M1AP: variants seen among roughly 807,000 people sequenced by gnomAD.
M1AP encodes meiosis 1 arrest protein.
In M1AP, 39 loss-of-function variants were observed where a neutral mutation model predicts 51.2. That is an observed-to-expected ratio of 0.76 (90% CI 0.59 to 1.00). The LOEUF (loss-of-function observed/expected upper bound fraction) is 1.00. Ranked by LOEUF, M1AP falls within the 50% of genes least tolerant of loss-of-function variation. The probability of loss-of-function intolerance (pLI) is 0.00; values close to 1 mark genes in which losing one functional copy is unlikely to be tolerated. For synonymous variants in M1AP, 251 were observed against 249.2 expected (o/e 1.01, Z -0.07); for missense variants, 545 against 641.2 (o/e 0.85, Z 1.62).
chr2:74,618,656 T>C (rs1681817021), intron 2 of M1AP, among the ~76,000 whole-genome samples: 1 of 152,234 alleles, frequency 6.6e-6, no homozygotes, highest in Non-Finnish European at 1.5e-5. Context: ...GCTGGATTGA[T>C]GTCATGTTGC....
chr2:74,604,436 C>T (rs1485004840), intron 4 of M1AP, among the ~76,000 whole-genome samples: 1 of 152,210 alleles, frequency 6.6e-6, no homozygotes, highest in Non-Finnish European at 1.5e-5. Context: ...TCCACCTCTG[C>T]TCATCAGGGG....
chr2:74,634,108 T>C (rs1345887469), intron 2 of M1AP, among the ~76,000 whole-genome samples: 1 of 152,074 alleles, frequency 6.6e-6, no homozygotes, highest in Non-Finnish European at 1.5e-5. Context: ...AGGATAAAAG[T>C]GAAAGTCATG....
chr2:74,559,178 T>G (rs566627148), intron 10 of M1AP, among the ~76,000 whole-genome samples: 26 of 150,282 alleles, frequency 1.7e-4, no homozygotes, highest in Admixed American at 2.7e-4. Context: ...TTTTTTTTTT[T>G]GACAGGATCT....
rs1379363112 is a variant in M1AP at position 74,576,627 on chromosome 2, A to C, written c.770-9T>G. The C allele has an allele frequency of 6.2e-6, 10 of 1,613,526 alleles. No homozygotes were observed. Among genetic ancestry groups the C allele is most frequent in the Admixed American group, 3.3e-5 (2 of 59,974 alleles). ...ATCACATTTCAGACACACTACAATA[A>C]AAGGAGATTACATTTCAGACACACT... is the stretch of plus-strand genomic sequence containing the variant. On this transcript the variant is annotated splice_polypyrimidine_tract_variant and intron_variant, in intron 5 of 10. Transcript: ENST00000421985.
Position 74,640,343 on chromosome 2 carries a change from G to C in M1AP, c.-52-16C>G. 1.9e-6 allele frequency: 3 copies of C among 1,565,054 alleles called. No homozygotes were observed. In the South Asian group the frequency reaches 3.6e-5, roughly 19 times the overall value. The stretch of plus-strand genomic sequence containing the variant: ...TTCTTTACACCTATAGGGAAGGAAA[G>C]AGAAACCACTGGTTTTCAAACTGAA... On this transcript the variant is annotated splice_polypyrimidine_tract_variant and intron_variant, in intron 1 of 10. Transcript: ENST00000421985.
At chr2:74,570,678 G>C (rs1260647771) in intron 7 of M1AP, among the ~76,000 whole-genome samples, 1 of 152,226 alleles carries the variant, frequency 6.6e-6, no homozygotes, top group Non-Finnish European at 1.5e-5. Flanking sequence ...ATGAGCAAAG[G>C]CTCAAAGGTG....
At position 74,557,921 on chromosome 2, in the gene M1AP, C is replaced by CGG. The variant is rs10690443; in HGVS notation, c.*793_*794dup. The CGG allele has an allele frequency of 0.024, 3,505 of 145,984 alleles. 128 individuals are homozygous for CGG. Among genetic ancestry groups the CGG allele is most frequent in the African/African-American group, 0.089 (3,318 of 37,392 alleles). 9.0% of individuals were successfully genotyped at this position (145,984 alleles called of 1,614,324 possible). A position where few individuals can be genotyped will look rare whatever the true frequency, so the allele number is the denominator to read the frequency against. ...GTTTTTATTATTTATGTAGAGATGG[C>CGG]GGGGGGGTCTCACAGTGTTGCTCAG... On this transcript the variant is annotated 3_prime_UTR_variant, in exon 11 of 11. Transcript: ENST00000421985.
chr2:74,617,772 T>C (rs979970837), intron 2 of M1AP, among the ~76,000 whole-genome samples: 2 of 152,218 alleles, frequency 1.3e-5, no homozygotes, highest in African/African-American at 4.8e-5. Context: ...AAATAAGCAA[T>C]GTTCTATATT....
At chr2:74,614,911 T>C (rs1681575183) in intron 3 of M1AP, 53 bp downstream of exon 3, 9 of 1,481,810 alleles carry the variant, frequency 6.1e-6, no homozygotes, top group East Asian at 2.3e-5. Flanking sequence ...CAATGACCTA[T>C]ATGGACTGAA....
At chr2:74,604,486 A>G (rs1680854082) in intron 4 of M1AP, among the ~76,000 whole-genome samples, 1 of 152,240 alleles carries the variant, frequency 6.6e-6, no homozygotes. Context: ...TAGATCCCTC[A>G]CATGCACAGT....
chr2:74,603,383 A>G (rs1680784929), intron 4 of M1AP, among the ~76,000 whole-genome samples: 1 of 152,232 alleles, frequency 6.6e-6, no homozygotes, highest in Non-Finnish European at 1.5e-5. Flanking sequence ...GAGAAGACAC[A>G]ATTATTGCAC....
In M1AP at chr2:74,640,272, G is replaced by A; in HGVS notation, c.4C>T (p.His2Tyr). M[H>Y]PGRTTGKGPS... ...CCTTTACCAGTAGTTCGCCCAGGAT[G>A]CATGGCAGCAAAACCAGAGGGGGAA... is the stretch of plus-strand genomic sequence containing the variant. The change falls in exon 2 of 11, where the codon CAT becomes TAT. Residue 2 changes from histidine (H) to tyrosine (Y), a missense_variant. His to Tyr is a moderately conservative substitution (Grantham distance 83, BLOSUM62 2). Coordinates refer to ENST00000421985, the MANE Select transcript of M1AP (RefSeq NM_001321739.2). The A allele has an allele frequency of 1.2e-6, 2 of 1,613,992 alleles. No individual in the cohort carries two copies. The highest frequency in any genetic ancestry group is 2.2e-5 in the East Asian group (1 of 44,880).
chr2:74,562,871 G>A (rs2104510437), intron 7 of M1AP, among the ~76,000 whole-genome samples: 1 of 152,262 alleles, frequency 6.6e-6, no homozygotes, highest in East Asian at 1.9e-4. Flanking sequence ...AGCCATGATT[G>A]TACCACTGCA....
At chr2:74,595,728 A>C (rs1443539872) in intron 4 of M1AP, among the ~76,000 whole-genome samples, 1 of 152,240 alleles carries the variant, frequency 6.6e-6, no homozygotes, top group African/African-American at 2.4e-5. Flanking sequence ...GAATGGGAGC[A>C]GTAAATGGAC....
At chr2:74,633,173 T>C (rs1315158084) in intron 2 of M1AP, among the ~76,000 whole-genome samples, 2 of 152,142 alleles carry the variant, frequency 1.3e-5, no homozygotes, top group Non-Finnish European at 2.9e-5. Context: ...TCAGGGTATT[T>C]CATCTCCTGA....
intron 2 of M1AP, among the ~76,000 whole-genome samples, chr2:74,626,895 A>G (rs1375635201): frequency 6.6e-6 from 1 of 152,196 alleles, no homozygotes; most frequent in Non-Finnish European, 1.5e-5. Context: ...CCAGTATCAC[A>G]TCGTTTTGAA....
chr2:74,614,380 G>A (rs181919982), intron 3 of M1AP, among the ~76,000 whole-genome samples: 35 of 152,160 alleles, frequency 2.3e-4, no homozygotes, highest in African/African-American at 8.2e-4. Flanking sequence ...AATCCCACAC[G>A]ATTATTTTTT....
intron 4 of M1AP, among the ~76,000 whole-genome samples, chr2:74,592,899 T>C (rs1680127817): frequency 1.3e-5 from 2 of 152,248 alleles, no homozygotes; most frequent in South Asian, 4.1e-4. Context: ...ATGTCTCCTT[T>C]ATCCTATGCT....
chr2:74,628,234 G>T, intron 2 of M1AP: 1 of 235,478 alleles, frequency 4.2e-6, no homozygotes, highest in South Asian at 7.9e-5. Context: ...CCTCCTCATT[G>T]AGACATCAAA....
Sources: allele counts gnomAD v4.1 joint callset (sites outside exome capture counted in the v4.1 genomes callset), GRCh38; gene constraint gnomAD v4.1.1; transcripts MANE v1.5; gene names NCBI Gene and HGNC (gene_info 2026-07-23, HGNC 2026-07-21).